Variants in MTFR1L observed in about 807,000 individuals in gnomAD.
MTFR1L encodes mitochondrial fission regulator 1 like.
Under a neutral mutation model 27.9 loss-of-function variants are expected in MTFR1L, and 10 were observed. The observed-to-expected ratio is 0.36, with a 90% CI of 0.22 to 0.61. The LOEUF is 0.61. Ranked by LOEUF, MTFR1L falls within the 20% of genes least tolerant of loss-of-function variation. The probability of loss-of-function intolerance (pLI) is 0.73; values close to 1 mark genes in which losing one functional copy is unlikely to be tolerated. For synonymous variants in MTFR1L, 151 were observed against 139.4 expected (o/e 1.08, Z -0.58); for missense variants, 315 against 363.7 (o/e 0.87, Z 1.09).
At chr1:25,822,181 A>G (rs940774387) in intron 1 of MTFR1L, 2 of 152,248 alleles carry the variant, frequency 1.3e-5, no homozygotes, top group Non-Finnish European at 2.9e-5. Context: ...GGAAAAACCA[A>G]CATTCAGAAA....
intron 1 of MTFR1L, 36 bp from the exon 2 acceptor site, chr1:25,822,983 G>C (rs190537866): frequency 1.3e-6 from 2 of 1,565,724 alleles, no homozygotes; most frequent in Non-Finnish European, 1.8e-6. Flanking sequence ...ACTGTGGGGG[G>C]TTGTTTCACA....
In MTFR1L at chr1:25,826,909, G is replaced by A; in HGVS notation, c.451+83G>A. ...TGGGCAGGATAGGGGTAAAGAAAGT[G>A]GTAATCCTTGGTTTGCAGGTACTTA... is the stretch of plus-strand genomic sequence containing the variant. On this transcript the variant is annotated intron_variant, in intron 5 of 6. Transcript: ENST00000374303. The surrounding 1 kb of genome is among the most constrained non-coding windows in gnomAD (Gnocchi z 4.1). 6.8e-7 allele frequency: 1 copy of A among 1,461,142 alleles called. No homozygotes were observed. 90.5% of individuals were successfully genotyped at this position (1,461,142 alleles called of 1,614,324 possible).
intron 5 of MTFR1L, 84 bp from the exon 6 acceptor site, chr1:25,829,425 T>A (rs897907829): frequency 1.9e-4 from 242 of 1,247,622 alleles, no homozygotes; most frequent in Non-Finnish European, 2.5e-4. Context: ...AAATGAATGT[T>A]CAGTAGGCAG....
chr1:25,831,073 C>A (rs2048233615), intron 6 of MTFR1L, among the ~76,000 whole-genome samples: 1 of 152,196 alleles, frequency 6.6e-6, no homozygotes, highest in African/African-American at 2.4e-5. Flanking sequence ...GCCCCCTCCT[C>A]CCACTTGTGT....
intron 5 of MTFR1L, among the ~76,000 whole-genome samples, chr1:25,829,211 T>A (rs1272345414): frequency 6.6e-6 from 1 of 152,206 alleles, no homozygotes; most frequent in Non-Finnish European, 1.5e-5. Flanking sequence ...GACAGGGCTG[T>A]CACTCCACAG....
rs779411916 is a variant in MTFR1L, at chr1:25,826,767, T to C, written c.392T>C (p.Leu131Pro). Residue 131 changes from leucine to proline, a missense_variant, in exon 5 of 7, where the codon CTG becomes CCG. Physicochemically the swap from Leu to Pro is moderately conservative, Grantham distance 98. Transcript: ENST00000374303. This position sits in a 1 kb window ranked among gnomAD's most constrained non-coding sequence, Gnocchi z 4.1. ...ALPALSRTTE[L>P]QDELSHLRSQ... ...CCAGCCCTAAGCCGCACTACTGAGC[T>C]GCAGGACGAGCTGAGCCACTTGCGC... 1 of 1,614,024 alleles carries C rather than the reference T, an allele frequency of 6.2e-7. No individual in the cohort carries two copies. Among genetic ancestry groups the C allele is most frequent in the Non-Finnish European group, 8.5e-7 (1 of 1,180,038 alleles).
intron 3 of MTFR1L, 34 bp downstream of exon 3, chr1:25,823,782 TCAGA>T (rs773456778): frequency 1.2e-6 from 2 of 1,609,414 alleles, no homozygotes; most frequent in Non-Finnish European, 8.5e-7. Context: ...GAGTAGAGGC[TCAGA>T]CAGTGCTGCT....
intron 6 of MTFR1L, 69 bp downstream of exon 6, chr1:25,829,899 A>G (rs2048215360): frequency 7.9e-7 from 1 of 1,265,138 alleles, no homozygotes; most frequent in Non-Finnish European, 1.1e-6. Context: ...ATGTAATGCA[A>G]CATACTTACA....
At position 25,822,907 on chromosome 1, in the gene MTFR1L, C is replaced by T. The variant is rs1572245919; in HGVS notation, c.-86-112C>T. Reference sequence around the variant, plus strand: ...GGCAGCCTCTTGGGCTGGTTTTCTCCCCTGTGAAGTCATGGCTCTGCAGGG... The same window carrying T: ...GGCAGCCTCTTGGGCTGGTTTTCTCTCCTGTGAAGTCATGGCTCTGCAGGG... On this transcript the variant is annotated intron_variant, in intron 1 of 6. Coordinates refer to ENST00000374303, the MANE Select transcript of MTFR1L (RefSeq NM_001099625.2). 1.2e-5 allele frequency: 10 copies of T among 824,524 alleles called. No individual in the cohort carries two copies. In the East Asian group the frequency reaches 2.6e-4, roughly 21 times the overall value. The allele number at this position is 824,524 out of a possible 1,614,324, so 51.1% of individuals were successfully genotyped here.
Position 25,829,538 on chromosome 1 carries a change from T to G in MTFR1L, c.481T>G (p.Ser161Ala), listed in dbSNP as rs985943061. 6.2e-7 allele frequency: 1 copy of G among 1,613,830 alleles called. No homozygotes were observed. The highest frequency in any genetic ancestry group is 8.5e-7 in the Non-Finnish European group (1 of 1,179,832). Residue 161 changes from serine (S) to alanine (A), a missense_variant, in exon 6 of 7, where the codon TCT (serine) becomes GCT (alanine). Physicochemically the swap from Ser to Ala is moderately conservative, Grantham distance 99. Coordinates refer to ENST00000374303, the MANE Select transcript of MTFR1L (RefSeq NM_001099625.2). ...GGCTTCATTAACGCCAGATTTCTTA[T>G]CTCCAGGAAGTTCAAATGTCTCTTC... ...ASASLTPDFL[S>A]PGSSNVSSPL...
chr1:25,825,979 G>A lies in MTFR1L; in HGVS notation c.130-323G>A, dbSNP rs770608547. On this transcript the variant is annotated intron_variant, in intron 3 of 6. Coordinates refer to ENST00000374303, the MANE Select transcript of MTFR1L (RefSeq NM_001099625.2). ...CTCCTGAATAGCTGGGACTACAGGC[G>A]TATACCACCATACCCAGATAATTTT... 2.9e-4 allele frequency: 80 copies of A among 272,256 alleles called. 1 individual carries two copies. Among genetic ancestry groups the A allele is most frequent in the Admixed American group, 1.3e-3 (26 of 20,784 alleles). The allele number at this position is 272,256 out of a possible 1,614,324, so 16.9% of individuals were successfully genotyped here.
Position 25,823,672 on chromosome 1 carries a change from A to T in MTFR1L, c.53A>T (p.His18Leu), listed in dbSNP as rs368084911. Residue 18 changes from histidine (H) to leucine (L), a missense_variant, in exon 3 of 7, where the codon CAT becomes CTT. His to Leu is a moderately conservative substitution (Grantham distance 99). Transcript: ENST00000374303. ...ATCCCAATCTGGCAAAACAAGCCAC[A>T]TGGGGCTGCTCGAAGTGTAGTAAGA... ...VTIPIWQNKP[H>L]GAARSVVRRI... 1.9e-6 allele frequency: 3 copies of T among 1,613,864 alleles called. No individual in the cohort carries two copies. The highest frequency in any genetic ancestry group is 1.3e-5 in the African/African-American group (1 of 74,902).
chr1:25,824,522 G>T (rs959936976), intron 3 of MTFR1L, among the ~76,000 whole-genome samples: 1 of 152,190 alleles, frequency 6.6e-6, no homozygotes, highest in African/African-American at 2.4e-5. Flanking sequence ...GTGCATGAAA[G>T]GATGTGGGCC....
chr1:25,829,929 C>A, intron 6 of MTFR1L, 99 bp downstream of exon 6: 1 of 1,144,778 alleles, frequency 8.7e-7, no homozygotes, highest in Non-Finnish European at 1.2e-6. Context: ...CTTAGTAGTA[C>A]CATATGTTAT....
intron 1 of MTFR1L, 96 bp from the exon 2 acceptor site, chr1:25,822,923 C>G (rs1557441083): frequency 6.9e-6 from 7 of 1,012,058 alleles, no homozygotes; most frequent in East Asian, 4.9e-5. Flanking sequence ...GAAGTCATGG[C>G]TCTGCAGGGC....
chr1:25,827,332 C>T (rs1451774892), intron 5 of MTFR1L, among the ~76,000 whole-genome samples: 1 of 150,900 alleles, frequency 6.6e-6, no homozygotes, highest in Non-Finnish European at 1.5e-5. Flanking sequence ...GACAGAGTTC[C>T]ACCATGTTGG....
intron 1 of MTFR1L, chr1:25,820,480 C>T (rs2048072706): frequency 2.7e-6 from 1 of 370,392 alleles, no homozygotes; most frequent in Admixed American, 3.7e-5. Flanking sequence ...AGAGGGTCCG[C>T]GCGGGTCTCC....
In MTFR1L at chr1:25,823,740, T is replaced by C; in HGVS notation, c.121T>C (p.Ser41Pro). 2.5e-6 allele frequency: 4 copies of C among 1,613,882 alleles called. No homozygotes were observed. Among genetic ancestry groups the C allele is most frequent in the Non-Finnish European group, 3.4e-6 (4 of 1,179,924 alleles). Residue 41 changes from serine (S) to proline (P), a missense_variant, in exon 3 of 7, where the codon TCC (serine) becomes CCC (proline). By Grantham distance (74) the Ser-to-Pro change is moderately conservative (BLOSUM62 -1). Coordinates refer to ENST00000374303, the MANE Select transcript of MTFR1L (RefSeq NM_001099625.2). The part of the protein sequence containing the change: ...NLPLKPCARA[S>P]FETLPNISDL... ...ACCCTTGAAGCCGTGTGCCCGGGCG[T>C]CCTTTGAGGTGAGTATGTTGGAAGG...
chr1:25,831,265 A>G (rs1239577019), intron 6 of MTFR1L, among the ~76,000 whole-genome samples: 1 of 152,196 alleles, frequency 6.6e-6, no homozygotes, highest in Non-Finnish European at 1.5e-5. Flanking sequence ...ATGAATGTAT[A>G]TAAGTTCACT....
Sources: allele counts gnomAD v4.1 joint callset (sites outside exome capture counted in the v4.1 genomes callset), GRCh38; gene constraint gnomAD v4.1.1; non-coding constraint Gnocchi (gnomAD v3.1); transcripts MANE v1.5; gene names NCBI Gene and HGNC (gene_info 2026-07-23, HGNC 2026-07-21).